The following SLC24A3 variants were observed in gnomAD, a reference collection of about 807,000 sequenced individuals.
SLC24A3 encodes solute carrier family 24 member 3, also known as sodium/potassium/calcium exchanger 3.
In SLC24A3, 28 loss-of-function variants were observed where a neutral mutation model predicts 75.8. That is an observed-to-expected ratio of 0.37 (90% CI 0.27 to 0.51). The LOEUF (loss-of-function observed/expected upper bound fraction) is 0.51. Ranked by LOEUF, SLC24A3 falls within the 20% of genes least tolerant of loss-of-function variation. The pLI, the probability that SLC24A3 is intolerant of heterozygous loss-of-function variation, is 0.94. For synonymous variants in SLC24A3, 372 were observed against 334.1 expected, an observed-to-expected ratio of 1.11 and a Z score of -1.24; for missense variants, 663 against 847.8, an observed-to-expected ratio of 0.78 and a Z score of 2.71.
intron 1 of SLC24A3, among the ~76,000 whole-genome samples, chr20:19,256,677 G>A (rs889435309): frequency 1.3e-5 from 2 of 150,276 alleles, no homozygotes; most frequent in Admixed American, 6.7e-5. Flanking sequence ...GCTGAGGCAT[G>A]AGAATCACTT....
intron 6 of SLC24A3, among the ~76,000 whole-genome samples, chr20:19,623,283 C>T (rs555758603): frequency 2.6e-5 from 4 of 152,222 alleles, no homozygotes; most frequent in South Asian, 2.1e-4. Context: ...ATCAAGATGG[C>T]GGCAAGTCTA....
At chr20:19,589,699 A>T (rs919571156) in intron 6 of SLC24A3, among the ~76,000 whole-genome samples, 1 of 152,182 alleles carries the variant, frequency 6.6e-6, no homozygotes, top group African/African-American at 2.4e-5. Context: ...CTCTAATGTT[A>T]AAAATACCAG....
At chr20:19,426,719 A>G (rs747687551) in intron 2 of SLC24A3, among the ~76,000 whole-genome samples, 3 of 152,146 alleles carry the variant, frequency 2.0e-5, no homozygotes, top group African/African-American at 4.8e-5. Context: ...CGGCTGTACC[A>G]TTTGAGTTTG....
At chr20:19,400,428 A>G (rs1020716088) in intron 2 of SLC24A3, among the ~76,000 whole-genome samples, 2 of 152,130 alleles carry the variant, frequency 1.3e-5, no homozygotes, top group African/African-American at 4.8e-5. Context: ...TGCCCCAGGA[A>G]TCTTTCCATT....
At chr20:19,460,350 A>C (rs1162514325) in intron 2 of SLC24A3, among the ~76,000 whole-genome samples, 5 of 152,006 alleles carry the variant, frequency 3.3e-5, no homozygotes, top group Non-Finnish European at 5.9e-5. Context: ...TTGACCAACT[A>C]TGCCCCGTCT....
At chr20:19,659,159 C>CA (rs2032298490) in intron 7 of SLC24A3, among the ~76,000 whole-genome samples, 1 of 152,226 alleles carries the variant, frequency 6.6e-6, no homozygotes, top group Non-Finnish European at 1.5e-5. Context: ...CTTGAAACTC[C>CA]AAATTCACAA....
At chr20:19,641,618 C>T (rs1420610163) in intron 6 of SLC24A3, among the ~76,000 whole-genome samples, 1 of 152,104 alleles carries the variant, frequency 6.6e-6, no homozygotes, top group African/African-American at 2.4e-5. Context: ...TATTGTCTCA[C>T]ATCTATTAGC....
chr20:19,555,960 G>A (rs886254819), intron 3 of SLC24A3, among the ~76,000 whole-genome samples: 1 of 152,192 alleles, frequency 6.6e-6, no homozygotes, highest in African/African-American at 2.4e-5. Context: ...TCTCACAGTT[G>A]TGAAAGCTGG....
intron 6 of SLC24A3, among the ~76,000 whole-genome samples, chr20:19,650,939 G>A (rs953571124): frequency 6.6e-6 from 1 of 151,970 alleles, no homozygotes; most frequent in Non-Finnish European, 1.5e-5. Context: ...CATTTTTTCT[G>A]TAGTCTTCTG....
At chr20:19,375,492 C>T (rs1454921345) in intron 2 of SLC24A3, among the ~76,000 whole-genome samples, 1 of 152,166 alleles carries the variant, frequency 6.6e-6, no homozygotes, top group East Asian at 1.9e-4. Flanking sequence ...GAGGAAACCC[C>T]AGTGTCAGAG....
chr20:19,560,248 T>C (rs2030854596), intron 3 of SLC24A3, among the ~76,000 whole-genome samples: 2 of 151,598 alleles, frequency 1.3e-5, no homozygotes, highest in South Asian at 4.2e-4. Flanking sequence ...TGCGGAAGAG[T>C]CTCAGAGGAA....
At chr20:19,616,419 A>G (rs1043096352) in intron 6 of SLC24A3, among the ~76,000 whole-genome samples, 2 of 152,218 alleles carry the variant, frequency 1.3e-5, no homozygotes, top group African/African-American at 2.4e-5. Context: ...AGACAGAGTC[A>G]TTCAGGACCT....
At chr20:19,308,029 A>G (rs778639606) in intron 2 of SLC24A3, among the ~76,000 whole-genome samples, 35 of 152,300 alleles carry the variant, frequency 2.3e-4, no homozygotes, top group Non-Finnish European at 3.1e-4. Flanking sequence ...ACTTGACCTC[A>G]TGTCTACATG....
At chr20:19,416,940 A>G (rs1029431186) in intron 2 of SLC24A3, among the ~76,000 whole-genome samples, 1 of 152,250 alleles carries the variant, frequency 6.6e-6, no homozygotes, top group Non-Finnish European at 1.5e-5. Flanking sequence ...GAAGGGGAGC[A>G]GTTAACCTAA....
intron 2 of SLC24A3, among the ~76,000 whole-genome samples, chr20:19,306,766 G>A (rs1388239775): frequency 1.3e-5 from 2 of 151,864 alleles, no homozygotes; most frequent in East Asian, 3.8e-4. Flanking sequence ...TTCACTACCT[G>A]GGTGACAGTA....
chr20:19,698,640 C>A lies in SLC24A3; in HGVS notation c.1679C>A (p.Pro560His). Reference sequence around the variant, plus strand: ...GACATCCTGATTGGCCTCGGTCTCCCCTGGGCTCTGCAGACCCTGGCTGTG... The same window carrying A: ...GACATCCTGATTGGCCTCGGTCTCCACTGGGCTCTGCAGACCCTGGCTGTG... ...VFDILIGLGL[P>H]WALQTLAVDY... Residue 560 changes from proline (P) to histidine (H), a missense_variant, in exon 15 of 17, where the codon CCC (proline) becomes CAC (histidine). Physicochemically the swap from Pro to His is moderately conservative, Grantham distance 77. Coordinates refer to ENST00000328041, the MANE Select transcript of SLC24A3 (RefSeq NM_020689.4). The A allele has an allele frequency of 6.3e-7, 1 of 1,593,052 alleles. No homozygotes were observed.
intron 3 of SLC24A3, among the ~76,000 whole-genome samples, chr20:19,545,444 T>C (rs1359583350): frequency 6.6e-6 from 1 of 152,190 alleles, no homozygotes; most frequent in East Asian, 1.9e-4. Context: ...TTGGGTTTAA[T>C]GAAGACCAGA....
chr20:19,437,272 C>T (rs940707348), intron 2 of SLC24A3, among the ~76,000 whole-genome samples: 1 of 152,118 alleles, frequency 6.6e-6, no homozygotes, highest in South Asian at 2.1e-4. Context: ...ATCATGGGGG[C>T]AGTTTTCCCC....
chr20:19,580,818 C>T (rs528858090), intron 4 of SLC24A3, among the ~76,000 whole-genome samples: 11 of 152,302 alleles, frequency 7.2e-5, no homozygotes, highest in African/African-American at 2.6e-4. Flanking sequence ...GAAGGCATCT[C>T]CCCCAGACAC....
Sources: gnomAD v4.1 joint callset for allele counts (sites outside exome capture counted in the v4.1 genomes callset) on GRCh38, gnomAD v4.1.1 for gene constraint, MANE v1.5 for transcripts, NCBI Gene and HGNC (gene_info 2026-07-23, HGNC 2026-07-21) for gene names.